PCSK6: variants seen among roughly 807,000 people sequenced by gnomAD.
The protein encoded by PCSK6 is proprotein convertase subtilisin/kexin type 6, also known as paired basic amino acid cleaving enzyme 4.
In PCSK6, 85 loss-of-function variants were observed where a neutral mutation model predicts 123.3. That is an observed-to-expected ratio of 0.69 (90% CI 0.58 to 0.83). PCSK6 has a LOEUF of 0.83. Ranked by LOEUF, PCSK6 falls within the 40% of genes least tolerant of loss-of-function variation. The probability of loss-of-function intolerance (pLI) is 0.00; values close to 1 mark genes in which losing one functional copy is unlikely to be tolerated. For missense variants in PCSK6, 1,191 were observed against 1,282.3 expected (o/e 0.93, Z 1.09); for synonymous variants, 508 against 516.0 (o/e 0.98, Z 0.21).
chr15:101,402,928 C>T (rs929898403), intron 6 of PCSK6, among the ~76,000 whole-genome samples: 2 of 152,070 alleles, frequency 1.3e-5, no homozygotes, highest in African/African-American at 4.8e-5. Context: ...TGGGTATATA[C>T]CCAAAGGACT....
intron 13 of PCSK6, among the ~76,000 whole-genome samples, chr15:101,359,266 G>C (rs2041140736): frequency 6.6e-6 from 1 of 152,210 alleles, no homozygotes; most frequent in South Asian, 2.1e-4. Flanking sequence ...GGCCCTAGAA[G>C]GTCAGAGCTG....
At chr15:101,325,471 C>G (rs191607759) in intron 16 of PCSK6, among the ~76,000 whole-genome samples, 1 of 152,182 alleles carries the variant, frequency 6.6e-6, no homozygotes, top group Non-Finnish European at 1.5e-5. Flanking sequence ...GAGGACGCCA[C>G]GAGAGCCACA....
At chr15:101,412,205 C>A (rs535311510) in intron 6 of PCSK6, among the ~76,000 whole-genome samples, 1 of 152,318 alleles carries the variant, frequency 6.6e-6, no homozygotes, top group South Asian at 2.1e-4. Context: ...CCAGCTGAAA[C>A]AGAAGGCTGA....
intron 13 of PCSK6, among the ~76,000 whole-genome samples, chr15:101,341,131 C>T (rs1372909720): frequency 6.6e-6 from 1 of 151,518 alleles, no homozygotes; most frequent in Non-Finnish European, 1.5e-5. Context: ...GACAGGGTTT[C>T]ACCATGTTGG....
At chr15:101,418,052 A>T (rs2141079026) in intron 6 of PCSK6, among the ~76,000 whole-genome samples, 1 of 152,292 alleles carries the variant, frequency 6.6e-6, no homozygotes, top group South Asian at 2.1e-4. Flanking sequence ...ATAAACATGG[A>T]GGATGTACTT....
chr15:101,304,283 T>C lies in PCSK6; in HGVS notation c.*975A>G, dbSNP rs185325462. The C allele has an allele frequency of 6.7e-3, 1,016 of 152,672 alleles. 10 individuals carry two copies. Among genetic ancestry groups the C allele is most frequent in the Admixed American group, 9.3e-3 (142 of 15,304 alleles). The allele number at this position is 152,672 out of a possible 1,614,324, so 9.5% of individuals were successfully genotyped here. ...TGGCAGAATAAATCCAACTGTGTCA[T>C]GTAGGCTTGTAATATACACAGACAC... On this transcript the variant is annotated 3_prime_UTR_variant, in exon 22 of 22. Coordinates refer to ENST00000611716, the MANE Select transcript of PCSK6 (RefSeq NM_002570.5).
chr15:101,377,036 C>T (rs183849361), intron 11 of PCSK6, among the ~76,000 whole-genome samples: 9 of 152,372 alleles, frequency 5.9e-5, no homozygotes, highest in Admixed American at 3.3e-4. Context: ...AAAACGAGGG[C>T]TCTTGGCTTC....
intron 2 of PCSK6, among the ~76,000 whole-genome samples, chr15:101,436,432 T>C (rs925684239): frequency 6.6e-6 from 1 of 152,232 alleles, no homozygotes; most frequent in African/African-American, 2.4e-5. Flanking sequence ...CGGCCAGCTC[T>C]TTCTTTTCTC....
chr15:101,487,074 G>C (rs2058036720), intron 1 of PCSK6, among the ~76,000 whole-genome samples: 1 of 152,180 alleles, frequency 6.6e-6, no homozygotes, highest in African/African-American at 2.4e-5. Context: ...AGGCAAATAA[G>C]GTTTTCAAAG....
intron 13 of PCSK6, among the ~76,000 whole-genome samples, chr15:101,341,458 T>C (rs988410580): frequency 1.3e-5 from 2 of 151,192 alleles, no homozygotes; most frequent in Non-Finnish European, 3.0e-5. Context: ...GATGAGGTTT[T>C]ACCATGTTGG....
rs1049184576 is a variant in PCSK6 at position 101,324,867 on chromosome 15, C to T, written c.2360G>A (p.Gly787Glu). Residue 787 changes from glycine to glutamate, a missense_variant, in exon 17 of 22, where the codon GGA (glycine) becomes GAA (glutamate). By Grantham distance (98) the Gly-to-Glu change is moderately conservative. Around this residue, in one of 3 missense-constraint regions of PCSK6, gnomAD observed 630 missense variants for 631.4 expected, o/e 1.00. Coordinates refer to ENST00000611716, the MANE Select transcript of PCSK6 (RefSeq NM_002570.5). ...MNTCVTLCPA[G>E]FYADESQKNC... The stretch of plus-strand genomic sequence containing the variant: ...CCACTTACTTTCATCAGCATAAAAT[C>T]CTGCAGGACAGAGGGTCACACAGGT... The T allele has an allele frequency of 2.5e-6, 4 of 1,612,790 alleles. No individual in the cohort carries two copies. In the African/African-American group the frequency reaches 4.0e-5, roughly 16 times the overall value.
rs147375623 is a variant in PCSK6, at chr15:101,351,360, T to C, written c.1858+14836A>G. 9.2e-5 allele frequency among the ~76,000 whole-genome samples: 14 copies of C among 152,378 alleles called. No individual in the cohort carries two copies. The East Asian group carries it at 2.3e-3, about 25-fold the overall frequency. On this transcript the variant is annotated intron_variant, in intron 13 of 21. Transcript: ENST00000611716. ...CAAAACTGAAGAGATATTCTTTCAGTATTTGAAAATTATTTTCCAATTTAG... is the reference window on the plus strand; with the variant it reads ...CAAAACTGAAGAGATATTCTTTCAGCATTTGAAAATTATTTTCCAATTTAG...
At chr15:101,345,763 G>T (rs1385432355) in intron 13 of PCSK6, among the ~76,000 whole-genome samples, 1 of 152,228 alleles carries the variant, frequency 6.6e-6, no homozygotes, top group Non-Finnish European at 1.5e-5. Flanking sequence ...CGCCTCCCGG[G>T]TTCAAGTGAT....
At chr15:101,362,203 G>T (rs531575172) in intron 13 of PCSK6, among the ~76,000 whole-genome samples, 15 of 152,144 alleles carry the variant, frequency 9.9e-5, no homozygotes, top group East Asian at 9.7e-4. Flanking sequence ...TGATTCACCC[G>T]CCTCGGCCTC....
intron 6 of PCSK6, among the ~76,000 whole-genome samples, chr15:101,409,155 G>A (rs868766286): frequency 1.3e-5 from 2 of 152,236 alleles, no homozygotes; most frequent in Non-Finnish European, 2.9e-5. Flanking sequence ...GTGGACTGGC[G>A]ATGCTTCTGA....
chr15:101,419,542 T>A (rs2056008639), intron 6 of PCSK6, among the ~76,000 whole-genome samples: 1 of 151,540 alleles, frequency 6.6e-6, no homozygotes, highest in South Asian at 2.1e-4. Flanking sequence ...CAGGGCTTTT[T>A]TTTTTTTAAT....
intron 1 of PCSK6, among the ~76,000 whole-genome samples, chr15:101,456,756 C>A (rs2141191293): frequency 6.6e-6 from 1 of 152,278 alleles, no homozygotes; most frequent in Admixed American, 6.5e-5. Context: ...TCTTTCGAGG[C>A]AAGATGGAGC....
chr15:101,478,883 A>G (rs2057798375), intron 1 of PCSK6, among the ~76,000 whole-genome samples: 1 of 152,250 alleles, frequency 6.6e-6, no homozygotes, highest in Non-Finnish European at 1.5e-5. Flanking sequence ...GCTAGAGCTC[A>G]GCAGAAGTGA....
chr15:101,457,191 A>AAAAT (rs1273472783), intron 1 of PCSK6, among the ~76,000 whole-genome samples: 5 of 151,682 alleles, frequency 3.3e-5, no homozygotes, highest in Admixed American at 2.6e-4. Flanking sequence ...TAAATAAATA[A>AAAAT]AAATAAATAA....
Sources: allele counts gnomAD v4.1 joint callset (sites outside exome capture counted in the v4.1 genomes callset), GRCh38; gene constraint gnomAD v4.1.1; regional missense constraint gnomAD v4.1.1; transcripts MANE v1.5; gene names NCBI Gene and HGNC (gene_info 2026-07-23, HGNC 2026-07-21).